MED25: variants seen among roughly 807,000 people sequenced by gnomAD.
MED25 encodes the protein mediator complex subunit 25.
MED25 carries 62 observed loss-of-function variants against 89.4 expected under a neutral mutation model. The ratio of observed to expected loss-of-function variants is 0.69; its 90% CI spans 0.57 to 0.86. The LOEUF is 0.86. Ranked by LOEUF, MED25 falls within the 40% of genes least tolerant of loss-of-function variation. The pLI is 0.00. For synonymous variants in MED25, 449 were observed against 427.9 expected, an observed-to-expected ratio of 1.05 and a Z score of -0.61; for missense variants, 905 against 1,005.2, an observed-to-expected ratio of 0.90 and a Z score of 1.35.
chr19:49,832,862 C>T (rs541697122), intron 13 of MED25: 7 of 270,750 alleles, frequency 2.6e-5, no homozygotes, highest in Admixed American at 1.0e-4. Context: ...TTGCCTCTTC[C>T]GGCCGGTAAC....
intron 13 of MED25, among the ~76,000 whole-genome samples, chr19:49,832,707 T>G (rs751449587): frequency 2.0e-5 from 3 of 152,204 alleles, no homozygotes; most frequent in African/African-American, 2.4e-5. Context: ...GTTCATTTCC[T>G]GTGGCTGTGG....
chr19:49,822,179 C>T (rs1381066985), intron 3 of MED25, among the ~76,000 whole-genome samples: 4 of 145,704 alleles, frequency 2.7e-5, no homozygotes, highest in South Asian at 2.2e-4. Context: ...AGGAGAATGG[C>T]GTGAACCCAG....
chr19:49,821,625 T>C (rs1467363608), intron 3 of MED25, among the ~76,000 whole-genome samples: 1 of 150,868 alleles, frequency 6.6e-6, no homozygotes, highest in East Asian at 2.0e-4. Flanking sequence ...GCAATCATCC[T>C]GCCTTGACCT....
In MED25 at chr19:49,835,638, T is replaced by A; in HGVS notation, c.1746+33T>A. 2 of 1,557,304 alleles carry A rather than the reference T, an allele frequency of 1.3e-6. No homozygotes were observed. Among genetic ancestry groups the A allele is most frequent in the Non-Finnish European group, 1.7e-6 (2 of 1,151,124 alleles). On this transcript the variant is annotated intron_variant, in intron 15 of 17. Coordinates refer to ENST00000312865, the MANE Select transcript of MED25 (RefSeq NM_030973.4). The surrounding 1 kb of genome is among the most constrained non-coding windows in gnomAD (Gnocchi z 6.2). ...CAGGGCTGGCGGGGTCGGGGCTGGG[T>A]TGGGGAGGCCCCAAGGCTGCGCTCT...
downstream of MED25, chr19:49,838,385 G>A (rs2074114157): frequency 2.8e-6 from 1 of 358,036 alleles, no homozygotes; most frequent in African/African-American, 2.1e-5. Flanking sequence ...CCTTCTGCCT[G>A]GCAACAATGG....
At chr19:49,838,257 T>G (rs1159400448), downstream of MED25, among the ~76,000 whole-genome samples, 3 of 152,230 alleles carry the variant, frequency 2.0e-5, no homozygotes, top group Non-Finnish European at 2.9e-5. Context: ...TGTGGCATTT[T>G]TTTCTTACGA....
At chr19:49,819,426 C>T (rs1009633962) in intron 3 of MED25, 130 bp downstream of exon 3, 11 of 971,058 alleles carry the variant, frequency 1.1e-5, no homozygotes, top group South Asian at 2.9e-5. Flanking sequence ...TTGGTGTCCC[C>T]GTGAGGGGCT....
In MED25 at chr19:49,835,120, G is replaced by A. The variant is rs1383962758; in HGVS notation, c.1617G>A (p.Gln539=). 1.9e-6 allele frequency: 3 copies of A among 1,614,084 alleles called. No individual in the cohort carries two copies. In the East Asian group the frequency reaches 6.7e-5, roughly 36 times the overall value. ...DQSGFVNGIR[Q]VITNHKQVQQ... is the part of the protein sequence containing the mutation. Reference sequence around the variant, plus strand: ...GCGGCTTCGTCAACGGCATCCGGCAGGTCATCACCAACCACAAGCAGGTCC... The same window carrying A: ...GCGGCTTCGTCAACGGCATCCGGCAAGTCATCACCAACCACAAGCAGGTCC... The change falls in exon 14 of 18, where the codon CAG becomes CAA. Residue 539 remains glutamine (Q), a synonymous_variant. Coordinates refer to ENST00000312865, the MANE Select transcript of MED25 (RefSeq NM_030973.4). This position sits in a 1 kb window ranked among gnomAD's most constrained non-coding sequence, Gnocchi z 6.2.
At chr19:49,821,602 A>G (rs1356562664) in intron 3 of MED25, among the ~76,000 whole-genome samples, 1 of 151,330 alleles carries the variant, frequency 6.6e-6, no homozygotes, top group African/African-American at 2.4e-5. Context: ...CCCTGCCTCT[A>G]CTAAAAATAC....
chr19:49,836,270 C>T lies in MED25; in HGVS notation c.2010C>T (p.Leu670=), dbSNP rs1209592296. Reference sequence around the variant, plus strand: ...CACCCCAGGCCTCCCTCCACCACCTCCAGCCACCAGGGGCTCCTGCGCTGC... The same window carrying T: ...CACCCCAGGCCTCCCTCCACCACCTTCAGCCACCAGGGGCTCCTGCGCTGC... ...VPPPQASLHH[L]QPPGAPALLP... The change falls in exon 17 of 18, where the codon CTC becomes CTT. Residue 670 remains leucine, a synonymous_variant. Transcript: ENST00000312865. This position sits in a 1 kb window ranked among gnomAD's most constrained non-coding sequence, Gnocchi z 5.1. 1 of 1,612,434 alleles carries T rather than the reference C, an allele frequency of 6.2e-7. No homozygotes were observed. Among genetic ancestry groups the T allele is most frequent in the Non-Finnish European group, 8.5e-7 (1 of 1,179,796 alleles).
chr19:49,831,804 A>G lies in MED25; in HGVS notation c.1231-132A>G. On this transcript the variant is annotated intron_variant, in intron 10 of 17. Transcript: ENST00000312865. This position sits in a 1 kb window ranked among gnomAD's most constrained non-coding sequence, Gnocchi z 5.0. The stretch of plus-strand genomic sequence containing the variant: ...AACTGAAGGCTTGCTGGTCTGGAGG[A>G]GGGGCCTGGGGCTCATGGGACTTAA... 1.2e-6 allele frequency: 1 copy of G among 839,856 alleles called. No individual in the cohort carries two copies. Among genetic ancestry groups the G allele is most frequent in the East Asian group, 2.6e-5 (1 of 38,012 alleles). 52.0% of individuals were successfully genotyped at this position (839,856 alleles called of 1,614,324 possible). A position where few individuals can be genotyped will look rare whatever the true frequency, so the allele number is the denominator to read the frequency against.
intron 3 of MED25, chr19:49,819,676 G>A (rs2073968569): frequency 1.1e-5 from 4 of 352,906 alleles, no homozygotes; most frequent in South Asian, 6.6e-5. Context: ...AGCTCCAGCA[G>A]CCACCTTGTA....
intron 3 of MED25, among the ~76,000 whole-genome samples, chr19:49,820,450 C>A (rs1252849341): frequency 1.3e-5 from 2 of 152,234 alleles, no homozygotes; most frequent in African/African-American, 4.8e-5. Context: ...TATCCCATAA[C>A]CTTCACTGTG....
At chr19:49,821,653 C>A (rs1263640952) in intron 3 of MED25, among the ~76,000 whole-genome samples, 2 of 151,562 alleles carry the variant, frequency 1.3e-5, no homozygotes, top group Non-Finnish European at 2.9e-5. Flanking sequence ...TGCTGGAGTG[C>A]TGAAATTACA....
At position 49,836,167 on chromosome 19, in the gene MED25, T is replaced by C; in HGVS notation, c.1966-59T>C. The C allele has an allele frequency of 6.4e-7, 1 of 1,571,872 alleles. No individual in the cohort carries two copies. On this transcript the variant is annotated intron_variant, in intron 16 of 17. Transcript: ENST00000312865. The surrounding 1 kb of genome is among the most constrained non-coding windows in gnomAD (Gnocchi z 5.1). ...TGATTCCATCTCTGAGCAGTGTCTG[T>C]GTTGAGAGGTGGGGAGTCTCTACCA... is the stretch of plus-strand genomic sequence containing the variant.
intron 2 of MED25, chr19:49,818,837 G>A: frequency 3.3e-6 from 2 of 613,438 alleles, no homozygotes; most frequent in Non-Finnish European, 5.7e-6. Context: ...GAGGGAGGAG[G>A]GAGCTAGGGG....
Position 49,836,827 on chromosome 19 carries a change from C to T in MED25, c.2147-20C>T. ...CAAGGGCCTACTGGGAGATGCAGTCCCTTCCCCACTGCCCCTCAGGTCAGA... is the reference window on the plus strand; with the variant it reads ...CAAGGGCCTACTGGGAGATGCAGTCTCTTCCCCACTGCCCCTCAGGTCAGA... On this transcript the variant is annotated intron_variant, in intron 17 of 17. Transcript: ENST00000312865. This position sits in a 1 kb window ranked among gnomAD's most constrained non-coding sequence, Gnocchi z 5.1. 1 of 1,592,900 alleles carries T rather than the reference C, an allele frequency of 6.3e-7. No individual in the cohort carries two copies.
At position 49,836,507 on chromosome 19, in the gene MED25, G is replaced by C. The variant is rs1341589758; in HGVS notation, c.2146+101G>C. Reference sequence around the variant, plus strand: ...GTGCTCCTGGGAAGTAAAGACATAGGATCCAAGAATGAGGGTTCCCCCATG... The same window carrying C: ...GTGCTCCTGGGAAGTAAAGACATAGCATCCAAGAATGAGGGTTCCCCCATG... On this transcript the variant is annotated intron_variant, in intron 17 of 17. Transcript: ENST00000312865. The surrounding 1 kb of genome is among the most constrained non-coding windows in gnomAD (Gnocchi z 5.1). 7.1e-7 allele frequency: 1 copy of C among 1,410,412 alleles called. No individual in the cohort carries two copies. The highest frequency in any genetic ancestry group is 9.8e-7 in the Non-Finnish European group (1 of 1,019,736). The allele number at this position is 1,410,412 out of a possible 1,614,324, so 87.4% of individuals were successfully genotyped here.
At position 49,835,436 on chromosome 19, in the gene MED25, A is replaced by T; in HGVS notation, c.1675-98A>T. The T allele has an allele frequency of 1.6e-6, 2 of 1,231,764 alleles. No individual in the cohort carries two copies. The highest frequency in any genetic ancestry group is 2.3e-6 in the Non-Finnish European group (2 of 887,048). 76.3% of individuals were successfully genotyped at this position (1,231,764 alleles called of 1,614,324 possible). On this transcript the variant is annotated intron_variant, in intron 14 of 17. Transcript: ENST00000312865. This position sits in a 1 kb window ranked among gnomAD's most constrained non-coding sequence, Gnocchi z 6.2. The stretch of plus-strand genomic sequence containing the variant: ...ACTCACCCCCAAAGAGAATGTCCCC[A>T]TCTCCTTACTAGTTCCCCTCAGGGC...
Sources: gnomAD v4.1 joint callset for allele counts (sites outside exome capture counted in the v4.1 genomes callset) on GRCh38, gnomAD v4.1.1 for gene constraint, Gnocchi (gnomAD v3.1) non-coding constraint, MANE v1.5 for transcripts, NCBI Gene and HGNC (gene_info 2026-07-23, HGNC 2026-07-21) for gene names.